VAMP7: variants seen among roughly 807,000 people sequenced by gnomAD.
The protein encoded by VAMP7 is vesicle-associated membrane protein 7.
Under a neutral mutation model 29.6 loss-of-function variants are expected in VAMP7, and 14 were observed. The observed-to-expected ratio is 0.47, with a 90% CI of 0.31 to 0.74. The LOEUF (loss-of-function observed/expected upper bound fraction) is 0.74. Among genes scored for constraint, VAMP7 ranks in the 30% least tolerant of loss-of-function variants. The probability of loss-of-function intolerance (pLI) is 0.05; values close to 1 mark genes in which losing one functional copy is unlikely to be tolerated. For missense variants in VAMP7, 223 were observed against 262.4 expected (o/e 0.85, Z 1.04); for synonymous variants, 95 against 88.1 (o/e 1.08, Z -0.44).
intron 6 of VAMP7, among the ~76,000 whole-genome samples, chrX:155,931,425 T>A (rs2066552982): frequency 6.6e-6 from 1 of 152,182 alleles, no homozygotes; most frequent in African/African-American, 2.4e-5. Flanking sequence ...AGATGGTATC[T>A]CATTGTGGTT....
chrX:155,918,658 A>G (rs761741001), intron 5 of VAMP7, among the ~76,000 whole-genome samples: 6 of 152,208 alleles, frequency 3.9e-5, no homozygotes, highest in Admixed American at 6.5e-5. Flanking sequence ...ACCAGTCCCA[A>G]TGAGATGAGC....
chrX:155,937,165 C>G, intron 6 of VAMP7, among the ~76,000 whole-genome samples: 1 of 151,808 alleles, frequency 6.6e-6, no homozygotes, highest in East Asian at 1.9e-4. Flanking sequence ...ATATACTAGA[C>G]ACAGATAGAT....
At chrX:155,892,174 C>G (rs2065932511) in intron 2 of VAMP7, among the ~76,000 whole-genome samples, 1 of 152,138 alleles carries the variant, frequency 6.6e-6, no homozygotes, top group South Asian at 2.1e-4. Context: ...TGTCTCTGAT[C>G]TAGCTGTGTT....
chrX:155,925,604 A>T (rs1317982330), intron 6 of VAMP7, among the ~76,000 whole-genome samples: 2 of 152,240 alleles, frequency 1.3e-5, no homozygotes, highest in African/African-American at 4.8e-5. Flanking sequence ...CAAGATGAAC[A>T]TTGGTTTGGC....
At chrX:155,906,560 C>G (rs1265018216) in intron 5 of VAMP7, among the ~76,000 whole-genome samples, 2 of 152,060 alleles carry the variant, frequency 1.3e-5, no homozygotes, top group African/African-American at 4.8e-5. Context: ...TGCCTTGTTC[C>G]TAAGTATTTT....
At chrX:155,931,000 G>T in intron 6 of VAMP7, among the ~76,000 whole-genome samples, 1 of 151,576 alleles carries the variant, frequency 6.6e-6, no homozygotes, top group East Asian at 1.9e-4. Flanking sequence ...TGAGAATGAT[G>T]GTTTCCAGCT....
At chrX:155,913,279 G>A (rs1352156176) in intron 5 of VAMP7, among the ~76,000 whole-genome samples, 1 of 151,964 alleles carries the variant, frequency 6.6e-6, no homozygotes, top group Non-Finnish European at 1.5e-5. Context: ...TTAGCCCTTT[G>A]TCAGATGGAT....
chrX:155,920,357 T>C (rs944415794), intron 6 of VAMP7, among the ~76,000 whole-genome samples: 40 of 152,280 alleles, frequency 2.6e-4, no homozygotes, highest in Middle Eastern at 6.8e-3. Context: ...AAGGAGACAA[T>C]GTGTCCTTGT....
chrX:155,907,036 A>AT (rs890091204), intron 5 of VAMP7, among the ~76,000 whole-genome samples: 2 of 151,770 alleles, frequency 1.3e-5, no homozygotes, highest in Non-Finnish European at 1.5e-5. Flanking sequence ...GATTTTGTCA[A>AT]TTTTTTTTAC....
At chrX:155,933,678 G>A (rs921461016) in intron 6 of VAMP7, among the ~76,000 whole-genome samples, 8 of 152,088 alleles carry the variant, frequency 5.3e-5, no homozygotes, top group Non-Finnish European at 8.8e-5. Context: ...TTGATTTCTT[G>A]AAGGGTTTTT....
intron 5 of VAMP7, among the ~76,000 whole-genome samples, chrX:155,905,465 A>G (rs1406614461): frequency 1.3e-5 from 2 of 151,604 alleles, no homozygotes; most frequent in African/African-American, 4.9e-5. Flanking sequence ...TGAATAACAT[A>G]TCTAAGAAAC....
intron 3 of VAMP7, 144 bp from the exon 4 acceptor site, chrX:155,897,968 T>C: frequency 9.5e-7 from 1 of 1,057,814 alleles, no homozygotes; most frequent in Non-Finnish European, 1.3e-6. Flanking sequence ...TTCCTTTACT[T>C]ATCTTTAAGA....
At position 155,924,778 on chromosome X, in the gene VAMP7, A is replaced by G. The variant is rs151283498; in HGVS notation, c.501+4898A>G. 6.1e-3 allele frequency among the ~76,000 whole-genome samples: 928 copies of G among 152,004 alleles called. 7 individuals carry two copies. Among genetic ancestry groups the G allele is most frequent in the Admixed American group, 9.2e-3 (141 of 15,266 alleles). ...ACAGTGAAGTTTACCACATTGATTGACTCTTTCACAAAAGATTTCTCTGTA... is the reference window on the plus strand; with the variant it reads ...ACAGTGAAGTTTACCACATTGATTGGCTCTTTCACAAAAGATTTCTCTGTA... On this transcript the variant is annotated intron_variant, in intron 6 of 7. Transcript: ENST00000286448.
At chrX:155,905,545 T>G (rs2066135491) in intron 5 of VAMP7, among the ~76,000 whole-genome samples, 1 of 152,190 alleles carries the variant, frequency 6.6e-6, no homozygotes, top group South Asian at 2.1e-4. Flanking sequence ...AGCTCTTACA[T>G]TTCTATCTAT....
intron 5 of VAMP7, among the ~76,000 whole-genome samples, chrX:155,903,524 C>T (rs1384639083): frequency 6.6e-6 from 1 of 151,882 alleles, no homozygotes; most frequent in Non-Finnish European, 1.5e-5. Flanking sequence ...AAACAAACAA[C>T]CCCATCAAAA....
intron 6 of VAMP7, among the ~76,000 whole-genome samples, chrX:155,931,226 A>C (rs2066549115): frequency 6.6e-6 from 1 of 152,206 alleles, no homozygotes; most frequent in South Asian, 2.1e-4. Context: ...GTATATACCC[A>C]GTAATGGGAT....
intron 1 of VAMP7, among the ~76,000 whole-genome samples, chrX:155,885,628 C>A (rs2124217283): frequency 6.6e-6 from 1 of 152,054 alleles, no homozygotes; most frequent in Admixed American, 6.6e-5. Flanking sequence ...TAGAGTGGGC[C>A]CTTTATCCAA....
rs1159851181 is a variant in VAMP7 at position 155,919,881 on chromosome X, G to A, written c.501+1G>A. Reference sequence around the variant, plus strand: ...CAAAACAGAAAATCTTGTGGATTCTGTAAGTATGGAATCTGATAATATGGA... The same window carrying A: ...CAAAACAGAAAATCTTGTGGATTCTATAAGTATGGAATCTGATAATATGGA... On this transcript the variant is annotated splice_donor_variant, in intron 6 of 7. Coordinates refer to ENST00000286448, the MANE Select transcript of VAMP7 (RefSeq NM_005638.6). LOFTEE classifies it high-confidence loss of function. The A allele has an allele frequency of 1.9e-6, 3 of 1,609,758 alleles. No individual in the cohort carries two copies. Among genetic ancestry groups the A allele is most frequent in the South Asian group, 1.1e-5 (1 of 90,638 alleles).
At chrX:155,935,146 T>C (rs1360720729) in intron 6 of VAMP7, among the ~76,000 whole-genome samples, 2 of 152,114 alleles carry the variant, frequency 1.3e-5, no homozygotes, top group Non-Finnish European at 2.9e-5. Context: ...TTTTCCTTCA[T>C]TTCAACTTTG....
Sources: gnomAD v4.1 joint callset for allele counts (sites outside exome capture counted in the v4.1 genomes callset) on GRCh38, gnomAD v4.1.1 for gene constraint, MANE v1.5 for transcripts, NCBI Gene and HGNC (gene_info 2026-07-23, HGNC 2026-07-21) for gene names.